The following APP variants were observed in gnomAD, a reference collection of about 807,000 sequenced individuals.
APP encodes the protein amyloid-beta precursor protein.
APP carries 31 observed loss-of-function variants against 101.4 expected under a neutral mutation model. That is an observed-to-expected ratio of 0.31 (90% CI 0.23 to 0.41). The LOEUF (loss-of-function observed/expected upper bound fraction) is 0.41. APP is among the 10% of genes least tolerant of loss of function. The probability of loss-of-function intolerance (pLI) is 1.00; values close to 1 mark genes in which losing one functional copy is unlikely to be tolerated. For missense variants in APP, 839 were observed against 1,003.7 expected, an observed-to-expected ratio of 0.84 and a Z score of 2.22; for synonymous variants, 366 against 364.4, an observed-to-expected ratio of 1.00 and a Z score of -0.05.
chr21:26,042,454 C>G (rs2045414900), intron 5 of APP, among the ~76,000 whole-genome samples: 1 of 152,188 alleles, frequency 6.6e-6, no homozygotes, highest in Non-Finnish European at 1.5e-5. Context: ...AATGCACCAT[C>G]TATAATACCA....
At chr21:26,001,687 T>TG (rs1326394778) in intron 6 of APP, among the ~76,000 whole-genome samples, 1 of 152,156 alleles carries the variant, frequency 6.6e-6, no homozygotes, top group African/African-American at 2.4e-5. Context: ...TTAGTAGAGA[T>TG]GGGGTTTCAC....
At chr21:26,170,497 A>T in intron 1 of APP, 67 bp downstream of exon 1, 1 of 1,483,264 alleles carries the variant, frequency 6.7e-7, no homozygotes, top group African/African-American at 1.4e-5. Context: ...GACTTGGGTT[A>T]AGGTCTTGGG....
At chr21:26,129,000 A>G (rs759903807) in intron 1 of APP, among the ~76,000 whole-genome samples, 2 of 152,254 alleles carry the variant, frequency 1.3e-5, no homozygotes, top group Non-Finnish European at 2.9e-5. Context: ...ATAACACATC[A>G]GATTTGGCTC....
intron 6 of APP, among the ~76,000 whole-genome samples, chr21:26,012,914 A>G (rs2043874107): frequency 6.6e-6 from 1 of 152,186 alleles, no homozygotes; most frequent in South Asian, 2.1e-4. Context: ...TGGGAGACGG[A>G]GGTTGCAGTG....
intron 16 of APP, among the ~76,000 whole-genome samples, chr21:25,892,143 A>G (rs1222987255): frequency 1.4e-5 from 1 of 72,412 alleles, no homozygotes; most frequent in Non-Finnish European, 2.9e-5. Flanking sequence ...CCCCAGTTCG[A>G]GGAAGTCTAC....
At chr21:26,045,310 T>A (rs1432651873) in intron 5 of APP, among the ~76,000 whole-genome samples, 1 of 152,124 alleles carries the variant, frequency 6.6e-6, no homozygotes, top group African/African-American at 2.4e-5. Context: ...ATGATGAACC[T>A]AATAGAGATG....
intron 3 of APP, among the ~76,000 whole-genome samples, chr21:26,077,417 G>T (rs572920764): frequency 6.6e-6 from 1 of 152,126 alleles, no homozygotes; most frequent in Non-Finnish European, 1.5e-5. Flanking sequence ...ATACTTAGGC[G>T]TATTTTTATC....
At chr21:25,961,779 C>G (rs2041591099) in intron 11 of APP, among the ~76,000 whole-genome samples, 1 of 152,148 alleles carries the variant, frequency 6.6e-6, no homozygotes, top group South Asian at 2.1e-4. Context: ...AACATATTCT[C>G]TTAAAGTAAT....
intron 1 of APP, among the ~76,000 whole-genome samples, chr21:26,151,478 A>G (rs2063268138): frequency 6.6e-6 from 1 of 151,904 alleles, no homozygotes; most frequent in Admixed American, 6.6e-5. Context: ...GTGTACGTTC[A>G]TTACCTTTTT....
Position 26,051,079 on chromosome 21 carries a change from T to C in APP, c.583A>G (p.Asn195Asp), listed in dbSNP as rs2146905389. 6.2e-7 allele frequency: 1 copy of C among 1,614,134 alleles called. No individual in the cohort carries two copies. The highest frequency in any genetic ancestry group is 8.5e-7 in the Non-Finnish European group (1 of 1,180,026). ...TCCTCCGCATCAGCAGAATCCACATTGTCACTTTCTTCAGCCAGTGGGCAA... is the reference window on the plus strand; with the variant it reads ...TCCTCCGCATCAGCAGAATCCACATCGTCACTTTCTTCAGCCAGTGGGCAA... The part of the protein sequence containing the change: ...VCCPLAEESD[N>D]VDSADAEEDD... The change falls in exon 5 of 18, where the codon AAT (asparagine) becomes GAT (aspartate). Residue 195 changes from asparagine to aspartate, a missense_variant. By Grantham distance (23) the Asn-to-Asp change is conservative. Transcript: ENST00000346798.
chr21:25,927,243 T>C (rs924417620), intron 13 of APP, among the ~76,000 whole-genome samples: 1 of 152,082 alleles, frequency 6.6e-6, no homozygotes, highest in African/African-American at 2.4e-5. Context: ...TCACTTTGCT[T>C]GGACAGCCCA....
intron 5 of APP, among the ~76,000 whole-genome samples, chr21:26,031,479 T>C (rs2044817941): frequency 6.6e-6 from 1 of 152,168 alleles, no homozygotes; most frequent in Non-Finnish European, 1.5e-5. Context: ...AGAGGTTTAA[T>C]GGGACTTACA....
At chr21:25,945,353 T>A (rs545093495) in intron 13 of APP, among the ~76,000 whole-genome samples, 1 of 140,048 alleles carries the variant, frequency 7.1e-6, no homozygotes, top group Non-Finnish European at 1.5e-5. Flanking sequence ...TTCCCCAAAA[T>A]GATCTACAGA....
intron 13 of APP, among the ~76,000 whole-genome samples, chr21:25,920,692 T>C (rs1439076818): frequency 1.3e-5 from 2 of 151,550 alleles, no homozygotes; most frequent in Non-Finnish European, 2.9e-5. Flanking sequence ...CCTAAACATA[T>C]ATGCACCCAA....
intron 15 of APP, among the ~76,000 whole-genome samples, chr21:25,899,224 T>C (rs2038277242): frequency 1.3e-5 from 2 of 152,250 alleles, no homozygotes; most frequent in South Asian, 4.1e-4. Context: ...GCAATGGTGC[T>C]ACTTCCCCTT....
chr21:25,911,729 G>A lies in APP; in HGVS notation c.1909+12C>T. 2 of 1,613,090 alleles carry A rather than the reference G, an allele frequency of 1.2e-6. No homozygotes were observed. The highest frequency in any genetic ancestry group is 1.7e-6 in the Non-Finnish European group (2 of 1,179,298). ...CTCCCAGAACGCCCTTGCTGGCTCAGGGGACTCTTACCTTCGTTTTCTGTG... is the reference window on the plus strand; with the variant it reads ...CTCCCAGAACGCCCTTGCTGGCTCAAGGGACTCTTACCTTCGTTTTCTGTG... On this transcript the variant is annotated intron_variant, in intron 14 of 17. Transcript: ENST00000346798.
At chr21:25,970,784 A>G (rs544357051) in intron 11 of APP, among the ~76,000 whole-genome samples, 1 of 152,268 alleles carries the variant, frequency 6.6e-6, no homozygotes, top group African/African-American at 2.4e-5. Context: ...CAGTGATATC[A>G]TCGGTAGAAC....
chr21:26,148,109 T>C (rs1014529447), intron 1 of APP, among the ~76,000 whole-genome samples: 1 of 152,204 alleles, frequency 6.6e-6, no homozygotes, highest in Non-Finnish European at 1.5e-5. Context: ...GGCATGAGCA[T>C]TACCCACCAT....
At chr21:26,088,145 G>A (rs1406916802) in intron 3 of APP, among the ~76,000 whole-genome samples, 1 of 152,138 alleles carries the variant, frequency 6.6e-6, no homozygotes, top group Admixed American at 6.5e-5. Context: ...TGGAAGGAGA[G>A]CTTTTCAGAG....
Sources: gnomAD v4.1 joint callset for allele counts (sites outside exome capture counted in the v4.1 genomes callset) on GRCh38, gnomAD v4.1.1 for gene constraint, MANE v1.5 for transcripts, NCBI Gene and HGNC (gene_info 2026-07-23, HGNC 2026-07-21) for gene names.